The following EIF3C variants were observed in gnomAD, a reference collection of about 807,000 sequenced individuals.
EIF3C encodes cell migration-inducing protein 17.
EIF3C carries 2 observed loss-of-function variants against 11.1 expected under a neutral mutation model. That is an observed-to-expected ratio of 0.18 (90% CI 0.07 to 0.57). The LOEUF (loss-of-function observed/expected upper bound fraction) is 0.57. Ranked by LOEUF, EIF3C falls within the 20% of genes least tolerant of loss-of-function variation. EIF3C has a pLI of 0.92. For synonymous variants in EIF3C, 2 were observed against 41.5 expected (o/e 0.05, Z 3.66); for missense variants, 16 against 114.6 (o/e 0.14, Z 3.93).
rs1224202918 is a variant in EIF3C at position 28,697,984 on chromosome 16, G to T, written c.-31+9156G>T. On this transcript the variant is annotated intron_variant, in intron 1 of 20. Coordinates refer to the EIF3C transcript ENST00000566501. ...CCTCACCTCCCGGGCGGGGCGGCTGGCCGGGCGGGGGGGCTGACCCCCCCC... is the reference window on the plus strand; with the variant it reads ...CCTCACCTCCCGGGCGGGGCGGCTGTCCGGGCGGGGGGGCTGACCCCCCCC... Among the ~76,000 whole-genome samples, 182 of 53,558 alleles carry T rather than the reference G, an allele frequency of 3.4e-3. 11 individuals carry two copies. The East Asian group carries it at 0.069, about 20-fold the overall frequency. The allele number at this position is 53,558 out of a possible 152,430, so 35.1% of individuals were successfully genotyped here. A position where few individuals can be genotyped will look rare whatever the true frequency, so the allele number is the denominator to read the frequency against.
intron 8 of EIF3C, among the ~76,000 whole-genome samples, chr16:28,718,643 CAG>C (rs1420130714): frequency 1.7e-5 from 2 of 115,874 alleles, no homozygotes; most frequent in Non-Finnish European, 3.3e-5. Flanking sequence ...TTTTTTGAGA[CAG>C]AGTCTTGCAC....
chr16:28,729,753 T>TA (rs1191983415), intron 15 of EIF3C, among the ~76,000 whole-genome samples: 1 of 141,284 alleles, frequency 7.1e-6, no homozygotes, highest in African/African-American at 2.6e-5. Flanking sequence ...GCAAGTCCCA[T>TA]ACTATCTTCA....
At chr16:28,723,794 T>TC (rs1412403873) in intron 10 of EIF3C, among the ~76,000 whole-genome samples, 5 of 11,772 alleles carry the variant, frequency 4.2e-4, no homozygotes, top group African/African-American at 1.9e-3. Flanking sequence ...TTTTTTTTTT[T>TC]TTGTTTGAGA....
rs1329796725 is a variant in EIF3C at position 28,728,428 on chromosome 16, G to GGT, written c.1818+1194_1818+1195dup. Among the ~76,000 whole-genome samples, 7 of 32,802 alleles carry GGT rather than the reference G, an allele frequency of 2.1e-4. 1 individual carries two copies. Among genetic ancestry groups the GGT allele is most frequent in the Non-Finnish European group, 4.5e-4 (6 of 13,322 alleles). The allele number at this position is 32,802 out of a possible 152,430, so 21.5% of individuals were successfully genotyped here. A position where few individuals can be genotyped will look rare whatever the true frequency, so the allele number is the denominator to read the frequency against. ...AGGCTGGTCTCAAAGATCTTTTAGG[G>GGT]GTGTGTGTGTGTCTCTTTTAGGGGG... On this transcript the variant is annotated intron_variant, in intron 15 of 20. Coordinates refer to ENST00000331666, the MANE Select transcript of EIF3C (RefSeq NM_003752.5).
In EIF3C at chr16:28,696,364, T is replaced by TA. The variant is rs536758803; in HGVS notation, c.-31+7556dup. On this transcript the variant is annotated intron_variant, in intron 1 of 20. Transcript: ENST00000566501. Reference sequence around the variant, plus strand: ...CTAGGCAAAAGAGCGAAACTGTGTCTAAAAAAAAAAAAAAAAAAAAGACTT... The same window carrying TA: ...CTAGGCAAAAGAGCGAAACTGTGTCTAAAAAAAAAAAAAAAAAAAAAGACTT... Among the ~76,000 whole-genome samples the TA allele has an allele frequency of 4.2e-3, 86 of 20,660 alleles. 25 individuals are homozygous for TA. Among genetic ancestry groups the TA allele is most frequent in the East Asian group, 0.01 (12 of 1,196 alleles). 13.6% of individuals were successfully genotyped at this position (20,660 alleles called of 152,430 possible).
rs1288498624 is a variant in EIF3C, at chr16:28,700,987, G to A, written c.-30-10670G>A. On this transcript the variant is annotated intron_variant, in intron 1 of 20. Coordinates refer to the EIF3C transcript ENST00000566501. Reference sequence around the variant, plus strand: ...ATGATCTTGGCTCACTGCAGCCTCCGCCTCCCGGGTTCAAGCGATTCTCCT... The same window carrying A: ...ATGATCTTGGCTCACTGCAGCCTCCACCTCCCGGGTTCAAGCGATTCTCCT... The A allele has an allele frequency of 2.5e-5, 4 of 159,794 alleles. 1 individual carries two copies. Among genetic ancestry groups the A allele is most frequent in the African/African-American group, 1.6e-4 (3 of 19,096 alleles). The allele number at this position is 159,794 out of a possible 1,614,324, so 9.9% of individuals were successfully genotyped here.
chr16:28,689,348 T>G lies in EIF3C; in HGVS notation c.-31+520T>G, dbSNP rs1470397026. On this transcript the variant is annotated intron_variant, in intron 1 of 20. Transcript: ENST00000566501. ...TGAGTGGATCCCGATCGATGTAGCA[T>G]TATTACAAGAGGGGTGCCTGGAGAT... Among the ~76,000 whole-genome samples the G allele has an allele frequency of 4.3e-5, 2 of 46,806 alleles. 1 individual carries two copies. The allele number at this position is 46,806 out of a possible 152,430, so 30.7% of individuals were successfully genotyped here.
chr16:28,697,993 G>A (rs2048250358), intron 1 of EIF3C, among the ~76,000 whole-genome samples: 1 of 71,058 alleles, frequency 1.4e-5, no homozygotes, highest in African/African-American at 9.6e-5. Flanking sequence ...GGCCGGGCGG[G>A]GGGGCTGACC....
In EIF3C at chr16:28,727,802, C is replaced by T. The variant is rs370040310; in HGVS notation, c.1818+557C>T. On this transcript the variant is annotated intron_variant, in intron 15 of 20. Transcript: ENST00000331666. ...TGTAAGAAACTCAAAAGTGGTTATA[C>T]CATTTTACACTCCTGTTAGTGTTTG... is the stretch of plus-strand genomic sequence containing the variant. Among the ~76,000 whole-genome samples, 386 of 116,338 alleles carry T rather than the reference C, an allele frequency of 3.3e-3. 110 individuals are homozygous for T. Among genetic ancestry groups the T allele is most frequent in the Admixed American group, 5.4e-3 (56 of 10,412 alleles). 76.3% of individuals were successfully genotyped at this position (116,338 alleles called of 152,430 possible). A position where few individuals can be genotyped will look rare whatever the true frequency, so the allele number is the denominator to read the frequency against.
intron 1 of EIF3C, among the ~76,000 whole-genome samples, chr16:28,698,553 G>A (rs1330097759): frequency 2.1e-5 from 2 of 95,462 alleles, no homozygotes; most frequent in South Asian, 5.9e-4. Flanking sequence ...CCTCCCTCCC[G>A]GACGGGGTGG....
intron 1 of EIF3C, among the ~76,000 whole-genome samples, chr16:28,696,921 G>T (rs2048241567): frequency 2.0e-5 from 1 of 49,984 alleles, no homozygotes; most frequent in Non-Finnish European, 3.5e-5. Flanking sequence ...TTTTTACCCC[G>T]CACAGAGGCT....
intron 13 of EIF3C, among the ~76,000 whole-genome samples, chr16:28,725,966 A>AC: frequency 6.8e-6 from 1 of 147,396 alleles, no homozygotes; most frequent in Non-Finnish European, 1.5e-5. Flanking sequence ...GGTGCCTGTA[A>AC]ATCCCAGCTA....
chr16:28,698,373 G>C (rs1446752661), intron 1 of EIF3C, among the ~76,000 whole-genome samples: 1 of 100,398 alleles, frequency 1.0e-5, no homozygotes. Context: ...GCGGCTGGCC[G>C]GGTGGGGGGC....
chr16:28,723,428 C>T lies in EIF3C; in HGVS notation c.937-20C>T, dbSNP rs375736802. On this transcript the variant is annotated intron_variant, in intron 9 of 20. Coordinates refer to ENST00000331666, the MANE Select transcript of EIF3C (RefSeq NM_003752.5). ...CAGTTTCCCGCTGGCATGTACATGA[C>T]GGGATATGTGCTGATACAGGAGAAG... The T allele has an allele frequency of 3.4e-5, 55 of 1,611,880 alleles. No homozygotes were observed. The highest frequency in any genetic ancestry group is 5.5e-5 in the South Asian group (5 of 91,046).
rs1454216832 is a variant in EIF3C at position 28,698,278 on chromosome 16, G to T, written c.-31+9450G>T. Among the ~76,000 whole-genome samples, 20 of 118,860 alleles carry T rather than the reference G, an allele frequency of 1.7e-4. 2 individuals carry two copies. The highest frequency in any genetic ancestry group is 5.4e-5 in the Non-Finnish European group (3 of 55,166). The allele number at this position is 118,860 out of a possible 152,430, so 78.0% of individuals were successfully genotyped here. On this transcript the variant is annotated intron_variant, in intron 1 of 20. Coordinates refer to the EIF3C transcript ENST00000566501. ...GGGCTGACCCCCCCATCTCCCTCCC[G>T]GACGGGGTGGCTGGCCAGGCTGAGG...
At chr16:28,712,617 ACTGTTTT>A in intron 2 of EIF3C, among the ~76,000 whole-genome samples, 1 of 126,592 alleles carries the variant, frequency 7.9e-6, no homozygotes, top group South Asian at 3.0e-4. Flanking sequence ...CGTTTGTGCT[ACTGTTTT>A]AAAAGTATGT....
intron 15 of EIF3C, among the ~76,000 whole-genome samples, chr16:28,728,482 T>C (rs1242563707): frequency 1.3e-5 from 1 of 78,666 alleles, no homozygotes; most frequent in African/African-American, 4.0e-5. Context: ...GGGTTGTGTG[T>C]GTATCTTTTA....
At chr16:28,697,929 T>C (rs2048249011) in intron 1 of EIF3C, among the ~76,000 whole-genome samples, 1 of 88,656 alleles carries the variant, frequency 1.1e-5, no homozygotes, top group South Asian at 8.3e-4. Flanking sequence ...GCTCCTCACT[T>C]CCCAGTAGGG....
intron 1 of EIF3C, among the ~76,000 whole-genome samples, chr16:28,698,416 C>G (rs1332384559): frequency 1.1e-5 from 1 of 88,704 alleles, no homozygotes; most frequent in African/African-American, 7.7e-5. Context: ...GACGGCATGG[C>G]TGGCCAGGCG....
Sources: allele counts gnomAD v4.1 joint callset (sites outside exome capture counted in the v4.1 genomes callset), GRCh38; gene constraint gnomAD v4.1.1; transcripts MANE v1.5; gene names NCBI Gene and HGNC (gene_info 2026-07-23, HGNC 2026-07-21).